The following CD47 variants were observed in gnomAD, a reference collection of about 807,000 sequenced individuals.
CD47 encodes leukocyte surface antigen CD47.
In CD47, 11 loss-of-function variants were observed where a neutral mutation model predicts 44.6. The ratio of observed to expected loss-of-function variants is 0.25; its 90% confidence interval spans 0.16 to 0.41. CD47 has a LOEUF of 0.41. Ranked by LOEUF, CD47 falls within the 10% of genes least tolerant of loss-of-function variation. The pLI is 1.00. For missense variants in CD47, 306 were observed against 386.7 expected (o/e 0.79, Z 1.75); for synonymous variants, 140 against 136.3 (o/e 1.03, Z -0.19).
At chr3:108,062,885 A>G (rs1189343206) in intron 3 of CD47, among the ~76,000 whole-genome samples, 2 of 148,054 alleles carry the variant, frequency 1.4e-5, no homozygotes, top group African/African-American at 2.5e-5. Flanking sequence ...CGAGCTCCTT[A>G]CCTCATGATC....
chr3:108,049,543 T>C, intron 10 of CD47, 76 bp downstream of exon 10: 1 of 926,022 alleles, frequency 1.1e-6, no homozygotes, highest in South Asian at 1.4e-5. Flanking sequence ...AAGAGCCACA[T>C]TTTCAAGAAG....
chr3:108,079,566 T>G (rs1168534575), intron 2 of CD47, among the ~76,000 whole-genome samples: 1 of 58,364 alleles, frequency 1.7e-5, no homozygotes, highest in African/African-American at 7.3e-5. Flanking sequence ...AAGTGTAAGG[T>G]TAAAAAAAAA....
chr3:108,090,500 C>A (rs997905838), intron 1 of CD47, among the ~76,000 whole-genome samples: 1 of 152,160 alleles, frequency 6.6e-6, no homozygotes, highest in Non-Finnish European at 1.5e-5. Context: ...GAAGGGGATC[C>A]CTAGCAGCTG....
At chr3:108,075,081 G>A (rs975246033) in intron 2 of CD47, among the ~76,000 whole-genome samples, 3 of 152,132 alleles carry the variant, frequency 2.0e-5, no homozygotes, top group African/African-American at 7.2e-5. Context: ...AATGGACTAA[G>A]AACAATGTCA....
chr3:108,048,627 G>A (rs1305322804), intron 10 of CD47, among the ~76,000 whole-genome samples: 13 of 151,750 alleles, frequency 8.6e-5, no homozygotes, highest in Non-Finnish European at 1.9e-4. Flanking sequence ...CTTGTGATCC[G>A]CCCGCCTCGG....
intron 1 of CD47, among the ~76,000 whole-genome samples, chr3:108,081,573 C>T (rs1483212307): frequency 6.6e-6 from 1 of 151,798 alleles, no homozygotes; most frequent in African/African-American, 2.4e-5. Flanking sequence ...GGACAATGTT[C>T]AAAACACCTG....
intron 7 of CD47, chr3:108,052,883 C>G (rs2078852788): frequency 6.6e-6 from 1 of 152,430 alleles, no homozygotes; most frequent in Non-Finnish European, 1.5e-5. Flanking sequence ...GGGAGGATCT[C>G]CCTCGTCCTG....
At chr3:108,057,603 G>A (rs748667413) in intron 6 of CD47, 34 bp from the exon 7 acceptor site, 81 of 1,038,956 alleles carry the variant, frequency 7.8e-5, no homozygotes, top group Admixed American at 2.1e-4. Context: ...TATTAGAAAA[G>A]CATATGAAAT....
Position 108,084,194 on chromosome 3 carries a change from CACCCATTCACCCCTACTTCTTCA to C in CD47, c.47-3873_47-3851del, listed in dbSNP as rs2079473124. On this transcript the variant is annotated intron_variant, in intron 1 of 10. Transcript: ENST00000361309. The stretch of plus-strand genomic sequence containing the variant: ...CTCCTTAAATCTGTTACGTGGCCTC[CACCCATTCACCCCTACTTCTTCA>C]TTACTACAGCTCTTGCCAAAGTCAC... Among the ~76,000 whole-genome samples the C allele has an allele frequency of 2.0e-5, 3 of 152,092 alleles. No homozygotes were observed. In the East Asian group the frequency reaches 5.8e-4, roughly 29 times the overall value.
chr3:108,047,755 G>A (rs974839958), intron 10 of CD47, among the ~76,000 whole-genome samples: 1 of 152,198 alleles, frequency 6.6e-6, no homozygotes, highest in African/African-American at 2.4e-5. Flanking sequence ...TAAGCAATAA[G>A]CAGTTGTCAG....
At chr3:108,075,283 A>G (rs1045496624) in intron 2 of CD47, among the ~76,000 whole-genome samples, 2 of 152,184 alleles carry the variant, frequency 1.3e-5, no homozygotes, top group African/African-American at 4.8e-5. Flanking sequence ...TAGTCAATGA[A>G]TAAGTGTTTA....
At position 108,045,855 on chromosome 3, in the gene CD47, T is replaced by C. The variant is rs1339017444; in HGVS notation, c.*1433A>G. The C allele has an allele frequency of 6.6e-6, 1 of 152,224 alleles. No homozygotes were observed. The highest frequency in any genetic ancestry group is 1.5e-5 in the Non-Finnish European group (1 of 68,030). The allele number at this position is 152,224 out of a possible 1,614,324, so 9.4% of individuals were successfully genotyped here. ...AATTACCTAGAAGTTTTAAAAGTTT[T>C]AAGTGATCAAATATTTGCATCAAAT... On this transcript the variant is annotated 3_prime_UTR_variant, in exon 11 of 11. Coordinates refer to ENST00000361309, the MANE Select transcript of CD47 (RefSeq NM_001777.4).
intron 7 of CD47, chr3:108,055,691 T>C (rs1222139106): frequency 1.7e-5 from 7 of 421,454 alleles, no homozygotes; most frequent in East Asian, 1.5e-4. Context: ...AGTATACTTA[T>C]ATGCTAACCT....
At position 108,065,811 on chromosome 3, in the gene CD47, CAAAAAAAAAAAAAAAAAA is replaced by C. The variant is rs58021560; in HGVS notation, c.491-4977_491-4960del. On this transcript the variant is annotated intron_variant, in intron 3 of 10. Coordinates refer to ENST00000361309, the MANE Select transcript of CD47 (RefSeq NM_001777.4). ...TGGGCAACAGAGCGAGACTCCGTCT[CAAAAAAAAAAAAAAAAAA>C]AAAAAAAAAAAAAAAGAATTCACAG... is the stretch of plus-strand genomic sequence containing the variant. Among the ~76,000 whole-genome samples the C allele has an allele frequency of 4.3e-4, 26 of 61,162 alleles. 1 individual carries two copies. Among genetic ancestry groups the C allele is most frequent in the Admixed American group, 1.7e-3 (7 of 4,068 alleles). 40.1% of individuals were successfully genotyped at this position (61,162 alleles called of 152,430 possible). A position where few individuals can be genotyped will look rare whatever the true frequency, so the allele number is the denominator to read the frequency against.
chr3:108,089,206 T>C, intron 1 of CD47, among the ~76,000 whole-genome samples: 1 of 152,150 alleles, frequency 6.6e-6, no homozygotes. Flanking sequence ...AATGCCTGTA[T>C]TTTGCTTTTT....
intron 1 of CD47, among the ~76,000 whole-genome samples, chr3:108,086,524 A>C (rs1489741939): frequency 6.6e-6 from 1 of 152,182 alleles, no homozygotes; most frequent in East Asian, 1.9e-4. Flanking sequence ...TTTGGGGAGA[A>C]TATCTTTCCA....
intron 3 of CD47, among the ~76,000 whole-genome samples, chr3:108,063,250 A>G (rs1386180023): frequency 6.6e-6 from 1 of 152,118 alleles, no homozygotes; most frequent in Non-Finnish European, 1.5e-5. Context: ...ACAAATACAC[A>G]TGTTGAGGAT....
chr3:108,055,073 GAA>G (rs959173400), intron 7 of CD47, among the ~76,000 whole-genome samples: 12 of 150,562 alleles, frequency 8.0e-5, no homozygotes, highest in African/African-American at 2.7e-4. Context: ...TCCAATAAAA[GAA>G]AAAAAATACA....
chr3:108,088,572 C>A (rs1237379086), intron 1 of CD47, among the ~76,000 whole-genome samples: 2 of 151,768 alleles, frequency 1.3e-5, no homozygotes, highest in Admixed American at 1.3e-4. Flanking sequence ...CAAATTACTA[C>A]TAGACTTAGA....
Sources: allele counts gnomAD v4.1 joint callset (sites outside exome capture counted in the v4.1 genomes callset), GRCh38; gene constraint gnomAD v4.1.1; transcripts MANE v1.5; gene names NCBI Gene and HGNC (gene_info 2026-07-23, HGNC 2026-07-21).